CADM2: variants seen among roughly 807,000 people sequenced by gnomAD.
The protein encoded by CADM2 is cell adhesion molecule 2.
CADM2 carries 12 observed loss-of-function variants against 49.8 expected under a neutral mutation model. That is an observed-to-expected ratio of 0.24 (90% CI 0.15 to 0.39). The LOEUF (loss-of-function observed/expected upper bound fraction) is 0.39, where lower values mean the gene tolerates loss of function less well. Among genes scored for constraint, CADM2 ranks in the 10% least tolerant of loss-of-function variants. CADM2 has a pLI of 1.00. For missense variants in CADM2, 378 were observed against 492.3 expected (o/e 0.77, Z 2.20); for synonymous variants, 214 against 175.4 (o/e 1.22, Z -1.74).
chr3:85,911,405 T>C (rs1032680714), intron 5 of CADM2, among the ~76,000 whole-genome samples: 6 of 152,202 alleles, frequency 3.9e-5, no homozygotes, highest in African/African-American at 1.4e-4. Flanking sequence ...CAAGTTTAAA[T>C]ATCGATAAAT....
Position 85,802,041 on chromosome 3 carries a change from T to G in CADM2, c.89-6T>G. On this transcript the variant is annotated splice_polypyrimidine_tract_variant and splice_region_variant and intron_variant, in intron 2 of 9. Coordinates refer to ENST00000383699, the MANE Select transcript of CADM2 (RefSeq NM_001167675.2). ...TTAATCAACATTTTCTTTAATCCCC[T>G]TTTAGGCAGCCAAGGGCAGTTTCCA... The G allele has an allele frequency of 6.2e-7, 1 of 1,603,310 alleles. No homozygotes were observed. The highest frequency in any genetic ancestry group is 8.5e-7 in the Non-Finnish European group (1 of 1,173,872).
intron 1 of CADM2, among the ~76,000 whole-genome samples, chr3:85,137,222 T>C (rs944117283): frequency 2.0e-5 from 3 of 152,006 alleles, no homozygotes; most frequent in Non-Finnish European, 2.9e-5. Context: ...TATTTCTTAA[T>C]TTCTAAAACT....
In CADM2 at chr3:86,073,844, C is replaced by T. The variant is rs1703410735; in HGVS notation, c.*7061C>T. The T allele has an allele frequency of 6.6e-6, 1 of 151,726 alleles. No homozygotes were observed. Among genetic ancestry groups the T allele is most frequent in the African/African-American group, 2.4e-5 (1 of 41,360 alleles). The allele number at this position is 151,726 out of a possible 1,614,324, so 9.4% of individuals were successfully genotyped here. On this transcript the variant is annotated 3_prime_UTR_variant, in exon 10 of 10. Coordinates refer to ENST00000383699, the MANE Select transcript of CADM2 (RefSeq NM_001167675.2). ...ACATTATCCATCCATTTTAGTTTTC[C>T]TCGATGATGCCCATTTTCTTTGTAA...
chr3:85,183,084 C>A (rs1469552490), intron 1 of CADM2, among the ~76,000 whole-genome samples: 2 of 152,048 alleles, frequency 1.3e-5, no homozygotes, highest in Admixed American at 1.3e-4. Context: ...CTCTGAATCT[C>A]CTTTCCAGAT....
chr3:85,008,676 G>A (rs1034387212), intron 1 of CADM2, among the ~76,000 whole-genome samples: 1 of 151,998 alleles, frequency 6.6e-6, no homozygotes, highest in African/African-American at 2.4e-5. Context: ...AAATGAAGCA[G>A]ACGGAATTAA....
chr3:85,281,514 T>C (rs925669113), intron 1 of CADM2, among the ~76,000 whole-genome samples: 1 of 152,066 alleles, frequency 6.6e-6, no homozygotes, highest in Non-Finnish European at 1.5e-5. Flanking sequence ...ACATTTTAGA[T>C]AACTTTTCAA....
At chr3:85,788,415 A>G (rs1038258340) in intron 2 of CADM2, among the ~76,000 whole-genome samples, 6 of 152,144 alleles carry the variant, frequency 3.9e-5, no homozygotes, top group African/African-American at 1.2e-4. Flanking sequence ...AACGAGTTAG[A>G]ATCCAAACAT....
At chr3:85,786,893 A>C (rs2071023516) in intron 2 of CADM2, among the ~76,000 whole-genome samples, 1 of 152,086 alleles carries the variant, frequency 6.6e-6, no homozygotes, top group Non-Finnish European at 1.5e-5. Context: ...TGTATTTATA[A>C]AGTTTATATT....
intron 8 of CADM2, among the ~76,000 whole-genome samples, chr3:86,040,504 T>C (rs958538010): frequency 6.6e-6 from 1 of 152,000 alleles, no homozygotes; most frequent in African/African-American, 2.4e-5. Context: ...TCAAATGAAT[T>C]AAATGAAGCG....
At position 85,036,997 on chromosome 3, in the gene CADM2, GAAA is replaced by G. The variant is rs10566030; in HGVS notation, c.61+77349_61+77351del. Reference sequence around the variant, plus strand: ...TGAAACCCCGTCTCTACTAAAAATAGAAAAAAAAAAAAAAAAAAAAAACTTAGC... The same window carrying G: ...TGAAACCCCGTCTCTACTAAAAATAGAAAAAAAAAAAAAAAAAAACTTAGC... On this transcript the variant is annotated intron_variant, in intron 1 of 9. Transcript: ENST00000383699. Among the ~76,000 whole-genome samples the G allele has an allele frequency of 4.2e-3, 328 of 77,976 alleles. 1 individual carries two copies. The highest frequency in any genetic ancestry group is 0.012 in the African/African-American group (223 of 19,364). The allele number at this position is 77,976 out of a possible 152,430, so 51.2% of individuals were successfully genotyped here. A position where few individuals can be genotyped will look rare whatever the true frequency, so the allele number is the denominator to read the frequency against.
intron 1 of CADM2, among the ~76,000 whole-genome samples, chr3:85,000,321 C>A (rs887658883): frequency 2.0e-5 from 3 of 151,432 alleles, no homozygotes; most frequent in South Asian, 2.1e-4. Flanking sequence ...AGAGATGAGG[C>A]CTTGCTATGT....
At chr3:85,248,616 C>T (rs752862501) in intron 1 of CADM2, among the ~76,000 whole-genome samples, 17 of 152,064 alleles carry the variant, frequency 1.1e-4, no homozygotes, top group Admixed American at 4.6e-4. Flanking sequence ...GTATTTATTA[C>T]GTGAATGTTC....
intron 1 of CADM2, among the ~76,000 whole-genome samples, chr3:85,118,948 C>A (rs2038745966): frequency 6.6e-6 from 1 of 152,094 alleles, no homozygotes; most frequent in Non-Finnish European, 1.5e-5. Flanking sequence ...AGGGTTTCTC[C>A]ATGTTGGTCA....
At chr3:85,685,815 G>A (rs2066193338) in intron 1 of CADM2, among the ~76,000 whole-genome samples, 1 of 150,154 alleles carries the variant, frequency 6.7e-6, no homozygotes, top group South Asian at 2.1e-4. Context: ...TAGTAGAAAC[G>A]GAGTTTCATC....
At chr3:85,566,882 A>G (rs921760388) in intron 1 of CADM2, among the ~76,000 whole-genome samples, 1 of 152,200 alleles carries the variant, frequency 6.6e-6, no homozygotes, top group Non-Finnish European at 1.5e-5. Context: ...CCGTTTCAGG[A>G]ATATACATGG....
intron 8 of CADM2, chr3:85,993,611 A>T (rs1437062981): frequency 6.6e-6 from 1 of 152,180 alleles, no homozygotes; most frequent in African/African-American, 2.4e-5. Flanking sequence ...GCTTTAAAAA[A>T]TGTATCTCTT....
At chr3:85,264,636 T>A (rs1429411581) in intron 1 of CADM2, among the ~76,000 whole-genome samples, 6 of 152,054 alleles carry the variant, frequency 3.9e-5, no homozygotes, top group Admixed American at 3.9e-4. Flanking sequence ...AAACAATTAA[T>A]TTGTGCTAGC....
chr3:85,744,303 C>A lies in CADM2; in HGVS notation c.88+17755C>A, dbSNP rs574882202. Among the ~76,000 whole-genome samples the A allele has an allele frequency of 3.9e-5, 6 of 152,098 alleles. No individual in the cohort carries two copies. In the South Asian group the frequency reaches 1.2e-3, roughly 32 times the overall value. ...GAATAAGATTGAATATTTGATAGCA[C>A]AATGGGGTAACTAAATTCAATAATA... On this transcript the variant is annotated intron_variant, in intron 2 of 9. Coordinates refer to ENST00000383699, the MANE Select transcript of CADM2 (RefSeq NM_001167675.2).
intron 1 of CADM2, among the ~76,000 whole-genome samples, chr3:85,158,415 A>G (rs1284601609): frequency 2.0e-5 from 3 of 152,250 alleles, no homozygotes; most frequent in African/African-American, 7.2e-5. Flanking sequence ...GGCAGTATTC[A>G]CAATAGCAAA....
Sources: gnomAD v4.1 joint callset for allele counts (sites outside exome capture counted in the v4.1 genomes callset) on GRCh38, gnomAD v4.1.1 for gene constraint, MANE v1.5 for transcripts, NCBI Gene and HGNC (gene_info 2026-07-23, HGNC 2026-07-21) for gene names.